MRPL1: variants seen among roughly 807,000 people sequenced by gnomAD.
MRPL1 encodes large ribosomal subunit protein uL1m.
A neutral mutation model predicts 38.0 loss-of-function variants in MRPL1; 28 were observed. The observed-to-expected ratio is 0.74, with a 90% confidence interval of 0.55 to 1.01. MRPL1 has a LOEUF of 1.01. MRPL1 is among the 50% of genes least tolerant of loss of function. The pLI, the probability that MRPL1 is intolerant of heterozygous loss-of-function variation, is 0.00. For synonymous variants in MRPL1, 123 were observed against 126.7 expected (o/e 0.97, Z 0.20); for missense variants, 358 against 389.8 (o/e 0.92, Z 0.69).
chr4:77,877,142 C>T (rs1315238170), intron 2 of MRPL1, among the ~76,000 whole-genome samples: 4 of 152,182 alleles, frequency 2.6e-5, no homozygotes, highest in South Asian at 2.1e-4. Flanking sequence ...TCAGGTGATC[C>T]GCCTGCCTTG....
intron 6 of MRPL1, among the ~76,000 whole-genome samples, chr4:77,897,585 G>A (rs967149926): frequency 8.5e-5 from 13 of 152,204 alleles, no homozygotes; most frequent in African/African-American, 3.1e-4. Flanking sequence ...TCCACTCGAT[G>A]TCTTGTCCAA....
chr4:77,877,242 C>G (rs796088800), intron 2 of MRPL1, among the ~76,000 whole-genome samples: 30 of 152,236 alleles, frequency 2.0e-4, no homozygotes, highest in African/African-American at 7.2e-4. Context: ...TATCTGAATG[C>G]GAGATATGTT....
intron 7 of MRPL1, among the ~76,000 whole-genome samples, chr4:77,919,758 A>G (rs1736518965): frequency 6.6e-6 from 1 of 152,056 alleles, no homozygotes; most frequent in African/African-American, 2.4e-5. Flanking sequence ...TAAATTACAT[A>G]ACTCTCATGA....
chr4:77,917,703 G>A (rs926153455), intron 7 of MRPL1, among the ~76,000 whole-genome samples: 6 of 152,072 alleles, frequency 3.9e-5, no homozygotes, highest in Non-Finnish European at 5.9e-5. Flanking sequence ...AATACTTCTC[G>A]TAGGCGAGAT....
chr4:77,938,396 G>T (rs989915613), intron 7 of MRPL1, among the ~76,000 whole-genome samples: 1 of 152,148 alleles, frequency 6.6e-6, no homozygotes, highest in Non-Finnish European at 1.5e-5. Context: ...TGCTGACGGG[G>T]TATTTTCTAA....
At chr4:77,894,684 A>G (rs1436181986) in intron 6 of MRPL1, among the ~76,000 whole-genome samples, 8 of 152,060 alleles carry the variant, frequency 5.3e-5, no homozygotes, top group Non-Finnish European at 1.0e-4. Context: ...CCTTATGGAT[A>G]TTTTCTCCTT....
Position 77,952,720 on chromosome 4 carries a change from C to T in MRPL1, c.*113C>T, listed in dbSNP as rs1737438612. On this transcript the variant is annotated 3_prime_UTR_variant, in exon 9 of 9. Transcript: ENST00000315567. ...GTTATTGATCATACTTGAAAGTGAA[C>T]TTTAACATTGAAAAATCGTACAGTC... 1 of 674,044 alleles carries T rather than the reference C, an allele frequency of 1.5e-6. No homozygotes were observed. The highest frequency in any genetic ancestry group is 2.5e-6 in the Non-Finnish European group (1 of 407,464). 41.8% of individuals were successfully genotyped at this position (674,044 alleles called of 1,614,324 possible).
chr4:77,894,874 A>G (rs1176487221), intron 6 of MRPL1, among the ~76,000 whole-genome samples: 2 of 152,164 alleles, frequency 1.3e-5, no homozygotes, highest in African/African-American at 4.8e-5. Context: ...AGGAGGTAAC[A>G]TTAGTTGGAT....
intron 7 of MRPL1, among the ~76,000 whole-genome samples, chr4:77,924,144 T>C (rs762708696): frequency 1.2e-4 from 19 of 152,212 alleles, no homozygotes; most frequent in Middle Eastern, 6.8e-3. Context: ...TTGGAAAATA[T>C]AGTTATACAA....
rs763853093 is a variant in MRPL1, at chr4:77,949,780, A to G, written c.778-17A>G. 2.0e-6 allele frequency: 3 copies of G among 1,476,546 alleles called. No homozygotes were observed. Among genetic ancestry groups the G allele is most frequent in the South Asian group, 1.2e-5 (1 of 86,542 alleles). The allele number at this position is 1,476,546 out of a possible 1,614,324, so 91.5% of individuals were successfully genotyped here. A position where few individuals can be genotyped will look rare whatever the true frequency, so the allele number is the denominator to read the frequency against. On this transcript the variant is annotated splice_polypyrimidine_tract_variant and intron_variant, in intron 7 of 8. Transcript: ENST00000315567. ...TGCTTTCTCATCATTAATGTTATGT[A>G]TATTATTTTCTTTCAGTTGGATATG...
rs74366210 is a variant in MRPL1 at position 77,866,416 on chromosome 4, G to A, written c.31+3537G>A. On this transcript the variant is annotated intron_variant, in intron 1 of 8. Transcript: ENST00000315567. ...ATTAGTGATAAAATATTAACTTACT[G>A]TTTCTTTTTACCTTATATATTGTAG... 6.2e-3 allele frequency among the ~76,000 whole-genome samples: 939 copies of A among 152,288 alleles called. 3 individuals carry two copies. Among genetic ancestry groups the A allele is most frequent in the Non-Finnish European group, 0.011 (773 of 68,012 alleles).
intron 6 of MRPL1, among the ~76,000 whole-genome samples, chr4:77,905,831 C>T (rs1008333395): frequency 3.3e-4 from 51 of 152,250 alleles, no homozygotes; most frequent in African/African-American, 1.2e-3. Context: ...GTCTTCATTA[C>T]CATTACATCA....
intron 1 of MRPL1, among the ~76,000 whole-genome samples, chr4:77,869,321 G>A (rs1397742352): frequency 6.6e-6 from 1 of 152,152 alleles, no homozygotes; most frequent in Non-Finnish European, 1.5e-5. Flanking sequence ...AGTTCTGAGG[G>A]CTATTTTCTC....
intron 7 of MRPL1, among the ~76,000 whole-genome samples, chr4:77,917,111 C>T (rs1736440750): frequency 6.6e-6 from 1 of 152,136 alleles, no homozygotes; most frequent in African/African-American, 2.4e-5. Context: ...TTCTCTTTTA[C>T]CCCTTAAGAT....
intron 2 of MRPL1, among the ~76,000 whole-genome samples, chr4:77,882,324 G>T (rs1402649957): frequency 6.6e-6 from 1 of 152,018 alleles, no homozygotes; most frequent in Non-Finnish European, 1.5e-5. Context: ...CTTTATTAAG[G>T]TATCATATAA....
intron 2 of MRPL1, among the ~76,000 whole-genome samples, chr4:77,877,074 A>G (rs1050169026): frequency 3.3e-5 from 5 of 151,996 alleles, no homozygotes; most frequent in African/African-American, 1.2e-4. Flanking sequence ...CTAATTTTGT[A>G]TTTTTAGTAG....
intron 1 of MRPL1, among the ~76,000 whole-genome samples, chr4:77,867,180 C>G (rs1216143213): frequency 6.6e-6 from 1 of 152,214 alleles, no homozygotes; most frequent in Non-Finnish European, 1.5e-5. Flanking sequence ...TGTCTTCCCC[C>G]TCTAGACATA....
intron 1 of MRPL1, among the ~76,000 whole-genome samples, chr4:77,868,381 A>G (rs1735203166): frequency 6.6e-6 from 1 of 152,062 alleles, no homozygotes; most frequent in South Asian, 2.1e-4. Context: ...CTGGGATTAC[A>G]GGAGCATGCC....
chr4:77,893,071 A>G (rs995368392), intron 5 of MRPL1, among the ~76,000 whole-genome samples: 7 of 152,190 alleles, frequency 4.6e-5, no homozygotes, highest in African/African-American at 7.2e-5. Flanking sequence ...TCAGAATTCA[A>G]GTTTTTAATT....
Sources: allele counts gnomAD v4.1 joint callset (sites outside exome capture counted in the v4.1 genomes callset), GRCh38; gene constraint gnomAD v4.1.1; transcripts MANE v1.5; gene names NCBI Gene and HGNC (gene_info 2026-07-23, HGNC 2026-07-21).